The following PPP4R3A variants were observed in gnomAD, a reference collection of about 807,000 sequenced individuals.
The protein encoded by PPP4R3A is protein phosphatase 4 regulatory subunit 3A.
In PPP4R3A, 15 loss-of-function variants were observed where a neutral mutation model predicts 91.7. The ratio of observed to expected loss-of-function variants is 0.16; its 90% CI spans 0.11 to 0.25. The LOEUF (loss-of-function observed/expected upper bound fraction) is 0.25, where lower values mean the gene tolerates loss of function less well. PPP4R3A is among the 10% of genes least tolerant of loss of function. The probability of loss-of-function intolerance (pLI) is 1.00; values close to 1 mark genes in which losing one functional copy is unlikely to be tolerated. For synonymous variants in PPP4R3A, 377 were observed against 348.7 expected, an observed-to-expected ratio of 1.08 and a Z score of -0.91; for missense variants, 623 against 998.4, an observed-to-expected ratio of 0.62 and a Z score of 5.07.
chr14:91,458,691 T>C lies in PPP4R3A; in HGVS notation c.*68A>G. The C allele has an allele frequency of 1.2e-6, 2 of 1,609,970 alleles. No individual in the cohort carries two copies. The highest frequency in any genetic ancestry group is 1.7e-6 in the Non-Finnish European group (2 of 1,176,984). ...AGAGACCACTGCGCTTTGTTGTGGA[T>C]TTTGTATGGGGGAGGGGTGGAGAAC... On this transcript the variant is annotated 3_prime_UTR_variant, in exon 15 of 15. Coordinates refer to ENST00000554943, the MANE Select transcript of PPP4R3A (RefSeq NM_001366432.2).
intron 13 of PPP4R3A, 73 bp from the exon 14 acceptor site, chr14:91,461,680 A>G: frequency 7.0e-7 from 1 of 1,427,708 alleles, no homozygotes; most frequent in Non-Finnish European, 9.7e-7. Flanking sequence ...AGGTAACACT[A>G]AAACACATTT....
At chr14:91,463,014 TA>T in intron 11 of PPP4R3A, 137 bp from the exon 12 acceptor site, 1 of 722,762 alleles carries the variant, frequency 1.4e-6, no homozygotes, top group Non-Finnish European at 2.2e-6. Flanking sequence ...AACCAAACAA[TA>T]AAAAATGGGA....
At chr14:91,460,128 C>T (rs537328985) in intron 14 of PPP4R3A, among the ~76,000 whole-genome samples, 1 of 152,258 alleles carries the variant, frequency 6.6e-6, no homozygotes, top group East Asian at 2.0e-4. Context: ...TCGCCTGCCT[C>T]AGCCTCCTGA....
chr14:91,467,421 T>C (rs1888539545), intron 10 of PPP4R3A, among the ~76,000 whole-genome samples: 1 of 152,212 alleles, frequency 6.6e-6, no homozygotes, highest in Admixed American at 6.5e-5. Flanking sequence ...CAGGAACCTC[T>C]TGTGCTTAGT....
At chr14:91,502,711 C>T (rs1313850927) in intron 1 of PPP4R3A, among the ~76,000 whole-genome samples, 1 of 152,182 alleles carries the variant, frequency 6.6e-6, no homozygotes, top group African/African-American at 2.4e-5. Context: ...GCAGTGCTGC[C>T]TTGAACAAAA....
intron 3 of PPP4R3A, among the ~76,000 whole-genome samples, chr14:91,483,764 A>G (rs546256374): frequency 6.6e-6 from 1 of 152,348 alleles, no homozygotes; most frequent in South Asian, 2.1e-4. Flanking sequence ...TTGAACATAA[A>G]CTATATAAAA....
At chr14:91,459,349 A>G (rs953311263) in intron 14 of PPP4R3A, among the ~76,000 whole-genome samples, 4 of 152,050 alleles carry the variant, frequency 2.6e-5, no homozygotes, top group African/African-American at 9.7e-5. Flanking sequence ...CAGGCGATCC[A>G]CCTACCTTGG....
In PPP4R3A at chr14:91,476,474, T is replaced by G. The variant is rs1373545401; in HGVS notation, c.1044A>C (p.Gln348His). The change falls in exon 6 of 15, where the codon CAA becomes CAC. Residue 348 changes from glutamine (Q) to histidine (H), a missense_variant. Physicochemically the swap from Gln to His is conservative, Grantham distance 24 (BLOSUM62 0). Around this residue, in one of 5 missense-constraint regions of PPP4R3A, gnomAD observed 264 missense variants for 377.3 expected, o/e 0.70. Transcript: ENST00000554943. The part of the protein sequence containing the change: ...FCAFSQTLQP[Q>H]NRDAFFKTLS... ...AAGTCTTGAAAAAAGCATCTCTGTT[T>G]TGAGGCTGTAGCGTTTGGGAAAACG... 1.9e-6 allele frequency: 3 copies of G among 1,612,086 alleles called. No homozygotes were observed. In the African/African-American group the frequency reaches 4.0e-5, roughly 22 times the overall value.
intron 1 of PPP4R3A, among the ~76,000 whole-genome samples, chr14:91,495,989 G>A (rs1890545193): frequency 6.6e-6 from 1 of 152,068 alleles, no homozygotes; most frequent in Non-Finnish European, 1.5e-5. Flanking sequence ...TCATACAATG[G>A]ATACCACGAA....
intron 4 of PPP4R3A, among the ~76,000 whole-genome samples, chr14:91,480,911 T>C (rs904242105): frequency 2.0e-5 from 3 of 152,134 alleles, no homozygotes; most frequent in Admixed American, 2.0e-4. Flanking sequence ...AGCATGCATC[T>C]GTAGTCTTAG....
chr14:91,506,320 C>T (rs1891291735), intron 1 of PPP4R3A, among the ~76,000 whole-genome samples: 1 of 152,072 alleles, frequency 6.6e-6, no homozygotes, highest in South Asian at 2.1e-4. Context: ...GCAGCAAATG[C>T]AAGTAGACAG....
At chr14:91,502,428 TAAAC>T (rs1041757173) in intron 1 of PPP4R3A, among the ~76,000 whole-genome samples, 5 of 152,106 alleles carry the variant, frequency 3.3e-5, no homozygotes, top group African/African-American at 9.7e-5. Context: ...TGTCTCTAAA[TAAAC>T]AAACTTTTCA....
chr14:91,487,118 C>A (rs985109053), intron 2 of PPP4R3A, among the ~76,000 whole-genome samples: 1 of 151,362 alleles, frequency 6.6e-6, no homozygotes, highest in South Asian at 2.1e-4. Context: ...GGCATGATGG[C>A]GGATGCCTGT....
chr14:91,499,675 G>T (rs1890813554), intron 1 of PPP4R3A, among the ~76,000 whole-genome samples: 1 of 151,890 alleles, frequency 6.6e-6, no homozygotes, highest in African/African-American at 2.4e-5. Context: ...ACAAAAATTA[G>T]CTGGGCATGG....
chr14:91,504,004 G>C (rs2140165632), intron 1 of PPP4R3A, among the ~76,000 whole-genome samples: 1 of 152,138 alleles, frequency 6.6e-6, no homozygotes, highest in Admixed American at 6.5e-5. Context: ...AAGTGGGAAA[G>C]ATCACTTCAC....
intron 1 of PPP4R3A, among the ~76,000 whole-genome samples, chr14:91,504,535 G>A (rs989361039): frequency 6.6e-6 from 1 of 151,638 alleles, no homozygotes; most frequent in East Asian, 1.9e-4. Flanking sequence ...CCGGGAAGCG[G>A]AGGTTGCAGT....
chr14:91,508,785 T>C (rs1891569431), intron 1 of PPP4R3A, among the ~76,000 whole-genome samples: 1 of 152,242 alleles, frequency 6.6e-6, no homozygotes, highest in South Asian at 2.1e-4. Context: ...TGCCAACTTC[T>C]CTGCACCTGT....
intron 1 of PPP4R3A, among the ~76,000 whole-genome samples, chr14:91,508,920 TG>T (rs1480370432): frequency 2.1e-4 from 32 of 152,166 alleles, no homozygotes; most frequent in Non-Finnish European, 3.5e-4. Context: ...CAACCAACAC[TG>T]GTGAACGAAA....
At chr14:91,499,841 A>G (rs957485023) in intron 1 of PPP4R3A, among the ~76,000 whole-genome samples, 16 of 127,756 alleles carry the variant, frequency 1.3e-4, no homozygotes, top group African/African-American at 4.5e-4. Flanking sequence ...AAAAAAAAAA[A>G]GTTCCCTCCC....
Sources: allele counts gnomAD v4.1 joint callset (sites outside exome capture counted in the v4.1 genomes callset), GRCh38; gene constraint gnomAD v4.1.1; regional missense constraint gnomAD v4.1.1; transcripts MANE v1.5; gene names NCBI Gene and HGNC (gene_info 2026-07-23, HGNC 2026-07-21).